The following SLC10A6 variants were observed in gnomAD, a reference collection of about 807,000 sequenced individuals.
The protein encoded by SLC10A6 is solute carrier family 10 member 6.
Under a neutral mutation model 30.0 loss-of-function variants are expected in SLC10A6, and 27 were observed. The observed-to-expected ratio is 0.90, with a 90% CI of 0.66 to 1.24. The LOEUF is 1.24. Ranked by LOEUF, SLC10A6 falls within the 50% of genes most tolerant of loss-of-function variation. The probability of loss-of-function intolerance (pLI) is 0.00; values close to 1 mark genes in which losing one functional copy is unlikely to be tolerated. For synonymous variants in SLC10A6, 166 were observed against 173.8 expected (o/e 0.95, Z 0.36); for missense variants, 439 against 457.0 (o/e 0.96, Z 0.36).
intron 1 of SLC10A6, among the ~76,000 whole-genome samples, chr4:86,838,912 CAAAA>C (rs149710895): frequency 7.9e-5 from 6 of 75,896 alleles, no homozygotes; most frequent in African/African-American, 2.6e-4. Flanking sequence ...GACAGTGTCT[CAAAA>C]AAAAAAAAAA....
chr4:86,825,914 G>A (rs775454933), intron 4 of SLC10A6, among the ~76,000 whole-genome samples: 180 of 152,362 alleles, frequency 1.2e-3, no homozygotes, highest in Non-Finnish European at 1.5e-3. Flanking sequence ...GCTTCACAGA[G>A]GAGTGGGATT....
At chr4:86,823,996 T>G in intron 5 of SLC10A6, 94 bp from the exon 6 acceptor site, 1 of 1,134,386 alleles carries the variant, frequency 8.8e-7, no homozygotes, top group African/African-American at 1.6e-5. Context: ...GGTGTTTGTT[T>G]CAGTGGCATC....
At chr4:86,829,939 A>G (rs1746052219) in intron 3 of SLC10A6, among the ~76,000 whole-genome samples, 2 of 152,354 alleles carry the variant, frequency 1.3e-5, no homozygotes, top group South Asian at 2.1e-4. Context: ...CTCCAAAAGC[A>G]TTATTTTTGT....
rs1745963281 is a variant in SLC10A6, at chr4:86,825,443, A to G, written c.896T>C (p.Ile299Thr). 3.1e-6 allele frequency: 5 copies of G among 1,601,176 alleles called. No homozygotes were observed. The African/African-American group carries it at 4.0e-5, about 13-fold the overall frequency. ...ACCTGCAACAATAAGAAATCCATCT[A>G]TCAGCTGGAAGAGTCCATAGGCCAG... ...FPLAYGLFQL[I>T]DGFLIVAAYQ... The change falls in exon 5 of 6, where the codon ATA (isoleucine) becomes ACA (threonine). Residue 299 changes from isoleucine to threonine, a missense_variant. Coordinates refer to ENST00000273905, the MANE Select transcript of SLC10A6 (RefSeq NM_197965.3).
chr4:86,824,037 G>A, intron 5 of SLC10A6, 135 bp from the exon 6 acceptor site: 2 of 742,402 alleles, frequency 2.7e-6, no homozygotes, highest in Non-Finnish European at 4.3e-6. Flanking sequence ...GGAAAAGAAG[G>A]GGGAAAGAGA....
chr4:86,849,208 G>A lies in SLC10A6; in HGVS notation c.-93C>T, dbSNP rs1746443875. ...CCACATTTTGTAATAGTGCAACGAAGTCACACATGGAGAATCATTCCAATA... is the reference window on the plus strand; with the variant it reads ...CCACATTTTGTAATAGTGCAACGAAATCACACATGGAGAATCATTCCAATA... On this transcript the variant is annotated 5_prime_UTR_variant, in exon 1 of 6. Coordinates refer to ENST00000273905, the MANE Select transcript of SLC10A6 (RefSeq NM_197965.3). The A allele has an allele frequency of 2.1e-6, 3 of 1,408,428 alleles. No homozygotes were observed. The Admixed American group carries it at 6.5e-5, about 31-fold the overall frequency. The allele number at this position is 1,408,428 out of a possible 1,614,324, so 87.2% of individuals were successfully genotyped here. A position where few individuals can be genotyped will look rare whatever the true frequency, so the allele number is the denominator to read the frequency against.
At chr4:86,848,221 G>T (rs1451858673) in intron 1 of SLC10A6, among the ~76,000 whole-genome samples, 1 of 152,176 alleles carries the variant, frequency 6.6e-6, no homozygotes, top group Non-Finnish European at 1.5e-5. Context: ...AGCACTTAAA[G>T]CTGGATATGG....
chr4:86,842,734 A>C (rs55795886), intron 1 of SLC10A6, among the ~76,000 whole-genome samples: 17,561 of 140,716 alleles, frequency 0.12, 2,249 homozygotes, highest in East Asian at 0.26. Context: ...AAAGAAAAGA[A>C]AAGACAAGAC....
chr4:86,846,697 G>C (rs920596541), intron 1 of SLC10A6, among the ~76,000 whole-genome samples: 11 of 152,158 alleles, frequency 7.2e-5, no homozygotes, highest in African/African-American at 2.4e-4. Flanking sequence ...TTGCACTCCA[G>C]CCTGGGCGAC....
At chr4:86,829,756 T>C (rs895098695) in intron 3 of SLC10A6, among the ~76,000 whole-genome samples, 4 of 152,074 alleles carry the variant, frequency 2.6e-5, no homozygotes, top group Admixed American at 2.0e-4. Context: ...TTTTTTTTAC[T>C]AAGGTAGTCT....
Position 86,849,118 on chromosome 4 carries a change from C to A in SLC10A6, c.-3G>T. On this transcript the variant is annotated 5_prime_UTR_variant, in exon 1 of 6. Coordinates refer to ENST00000273905, the MANE Select transcript of SLC10A6 (RefSeq NM_197965.3). ...CTGCTGGAACAATTGGCTCTCATCT[C>A]CTCATCTCCTTAAGGCAGCATTACA... 1 of 1,610,602 alleles carries A rather than the reference C, an allele frequency of 6.2e-7. No homozygotes were observed.
chr4:86,833,258 T>C (rs1211902670), intron 2 of SLC10A6, 48 bp downstream of exon 2: 22 of 1,365,254 alleles, frequency 1.6e-5, no homozygotes, highest in Non-Finnish European at 2.3e-5. Flanking sequence ...CTATTATTAG[T>C]ATCATCACCA....
At position 86,831,846 on chromosome 4, in the gene SLC10A6, G is replaced by A. The variant is rs762079877; in HGVS notation, c.531C>T (p.Ala177=). 4 of 1,613,498 alleles carry A rather than the reference G, an allele frequency of 2.5e-6. No individual in the cohort carries two copies. The highest frequency in any genetic ancestry group is 3.4e-6 in the Non-Finnish European group (4 of 1,179,658). The change falls in exon 3 of 6, where the codon GCC becomes GCT. Residue 177 remains alanine (A), a synonymous_variant. Transcript: ENST00000273905. ...ATCTGTAATTCACATAGACACCAAA[G>A]GCCACAGGAATGGTCAGGCACACAA... is the stretch of plus-strand genomic sequence containing the variant. ...ITLVCLTIPV[A]FGVYVNYRWP...
intron 1 of SLC10A6, among the ~76,000 whole-genome samples, chr4:86,841,305 T>G (rs1373183834): frequency 1.3e-5 from 2 of 152,206 alleles, no homozygotes; most frequent in Non-Finnish European, 2.9e-5. Flanking sequence ...GATCATGATA[T>G]TGGTCAAGGA....
Position 86,826,415 on chromosome 4 carries a change from C to T in SLC10A6, c.762-838G>A, listed in dbSNP as rs571810042. Among the ~76,000 whole-genome samples the T allele has an allele frequency of 2.6e-5, 4 of 152,062 alleles. No individual in the cohort carries two copies. In the South Asian group the frequency reaches 8.3e-4, roughly 32 times the overall value. ...CCAACATGGTGAAACCCTGTCCCTA[C>T]CAAAAATACAAAAATTAGCCTGGCG... On this transcript the variant is annotated intron_variant, in intron 4 of 5. Coordinates refer to ENST00000273905, the MANE Select transcript of SLC10A6 (RefSeq NM_197965.3).
rs537407453 is a variant in SLC10A6 at position 86,829,299 on chromosome 4, T to C, written c.586-1131A>G. 2.6e-3 allele frequency among the ~76,000 whole-genome samples: 395 copies of C among 152,154 alleles called. 2 individuals are homozygous for C. The highest frequency in any genetic ancestry group is 9.4e-3 in the African/African-American group (389 of 41,508). On this transcript the variant is annotated intron_variant, in intron 3 of 5. Transcript: ENST00000273905. ...GGTGACACATGCCTGTAATCCCAGCTACTCAAGAGGCTGAGGCAGGAGAAT... is the reference window on the plus strand; with the variant it reads ...GGTGACACATGCCTGTAATCCCAGCCACTCAAGAGGCTGAGGCAGGAGAAT...
At chr4:86,845,015 C>T (rs1405227730) in intron 1 of SLC10A6, among the ~76,000 whole-genome samples, 1 of 152,178 alleles carries the variant, frequency 6.6e-6, no homozygotes, top group Non-Finnish European at 1.5e-5. Flanking sequence ...CCTCCCTAGA[C>T]ACACGGGAAT....
intron 1 of SLC10A6, among the ~76,000 whole-genome samples, chr4:86,845,454 T>C (rs1746377288): frequency 6.6e-6 from 1 of 152,174 alleles, no homozygotes; most frequent in Admixed American, 6.5e-5. Flanking sequence ...TGAGAAGCCT[T>C]TGTATGTATA....
Position 86,848,967 on chromosome 4 carries a change from C to T in SLC10A6, c.149G>A (p.Gly50Glu). The T allele has an allele frequency of 6.2e-7, 1 of 1,614,130 alleles. No homozygotes were observed. The highest frequency in any genetic ancestry group is 8.5e-7 in the Non-Finnish European group (1 of 1,180,018). Reference protein sequence around the residue: ...VMMGLLMFSLGCSVEIRKLWS... With the variant: ...VMMGLLMFSLECSVEIRKLWS... Reference sequence around the variant, plus strand: ...CAGCTTCCGGATCTCCACGGAACATCCCAAAGAGAACATGAGCAGCCCCAT... The same window carrying T: ...CAGCTTCCGGATCTCCACGGAACATTCCAAAGAGAACATGAGCAGCCCCAT... The change falls in exon 1 of 6, where the codon GGA becomes GAA. Residue 50 changes from glycine (G) to glutamate (E), a missense_variant. Physicochemically the swap from Gly to Glu is moderately conservative, Grantham distance 98. Coordinates refer to ENST00000273905, the MANE Select transcript of SLC10A6 (RefSeq NM_197965.3).
Sources: gnomAD v4.1 joint callset for allele counts (sites outside exome capture counted in the v4.1 genomes callset) on GRCh38, gnomAD v4.1.1 for gene constraint, MANE v1.5 for transcripts, NCBI Gene and HGNC (gene_info 2026-07-23, HGNC 2026-07-21) for gene names.